SRCAP: variants seen among roughly 807,000 people sequenced by gnomAD.
The protein encoded by SRCAP is Snf2 related CREBBP activator protein, also known as chromatin remodeling protein SRCAP.
SRCAP carries 46 observed loss-of-function variants against 263.1 expected under a neutral mutation model. The ratio of observed to expected loss-of-function variants is 0.17; its 90% CI spans 0.14 to 0.22. The LOEUF (loss-of-function observed/expected upper bound fraction) is 0.22. SRCAP is among the 10% of genes least tolerant of loss of function. SRCAP has a pLI of 1.00. For synonymous variants in SRCAP, 1,813 were observed against 1,662.1 expected (o/e 1.09, Z -2.21); for missense variants, 3,695 against 4,181.9 (o/e 0.88, Z 3.21).
chr16:30,708,583 A>G (rs1475529928), intron 6 of SRCAP, among the ~76,000 whole-genome samples: 1 of 151,836 alleles, frequency 6.6e-6, no homozygotes, highest in East Asian at 1.9e-4. Context: ...TAGTAGAGAC[A>G]GGGTTTTGCT....
intron 16 of SRCAP, among the ~76,000 whole-genome samples, chr16:30,715,294 G>A (rs550255959): frequency 3.0e-4 from 46 of 152,224 alleles, no homozygotes; most frequent in African/African-American, 1.0e-3. Flanking sequence ...GGCCGGGCGC[G>A]GTGGCTCACG....
chr16:30,734,268 A>G, intron 30 of SRCAP: 1 of 644,074 alleles, frequency 1.6e-6, no homozygotes, highest in South Asian at 2.1e-5. Flanking sequence ...ACTTGAACCT[A>G]AGAGGCGGAG....
chr16:30,711,514 A>G (rs2052890834), intron 10 of SRCAP, 57 bp from the exon 11 acceptor site: 2 of 1,519,850 alleles, frequency 1.3e-6, no homozygotes. Context: ...GGTACTACTC[A>G]GACCTCCCCT....
intron 25 of SRCAP, among the ~76,000 whole-genome samples, chr16:30,727,538 C>T (rs534209519): frequency 6.6e-6 from 1 of 152,232 alleles, no homozygotes; most frequent in East Asian, 1.9e-4. Flanking sequence ...AGGCTTGTGC[C>T]ACCATGCCAG....
chr16:30,732,417 C>T (rs565712467), intron 27 of SRCAP, among the ~76,000 whole-genome samples: 37 of 150,860 alleles, frequency 2.5e-4, no homozygotes, highest in African/African-American at 8.5e-4. Context: ...CACCATTGCA[C>T]TCCAGCCTGG....
intron 19 of SRCAP, among the ~76,000 whole-genome samples, 168 bp downstream of exon 19, chr16:30,720,499 GGGAT>G: frequency 6.6e-6 from 1 of 152,204 alleles, no homozygotes; most frequent in East Asian, 1.9e-4. Flanking sequence ...AGAGGGTACT[GGGAT>G]GGGCTTCTGT....
At position 30,723,918 on chromosome 16, in the gene SRCAP, TTCCCCG is replaced by T; in HGVS notation, c.4497_4502del (p.Pro1500_Ser1501del). 1 of 1,614,144 alleles carries T rather than the reference TTCCCCG, an allele frequency of 6.2e-7. No individual in the cohort carries two copies. The highest frequency in any genetic ancestry group is 2.2e-5 in the East Asian group (1 of 44,888). ...CTCCCTCCTTGGCACCATCTGGTGC[TTCCCCG>T]TCAGCATCAGCCTTGACTCTAGGTT... On this transcript the variant is annotated inframe_deletion, in exon 25 of 34. Coordinates refer to ENST00000262518, the MANE Select transcript of SRCAP (RefSeq NM_006662.3).
rs1315630342 is a variant in SRCAP, at chr16:30,724,688, C to T, written c.5264C>T (p.Ala1755Val). The T allele has an allele frequency of 4.3e-6, 7 of 1,614,074 alleles. No homozygotes were observed. The highest frequency in any genetic ancestry group is 5.9e-6 in the Non-Finnish European group (7 of 1,180,052). The stretch of plus-strand genomic sequence containing the variant: ...TCTCTGGCTCCAGCACCCCCTCTGG[C>T]TCCAGCTTCTCCAGTGGGCCCAGCC... ...TLSLAPAPPL[A>V]PASPVGPAPA... The change falls in exon 25 of 34, where the codon GCT becomes GTT. Residue 1755 changes from alanine to valine, a missense_variant. Ala to Val is a moderately conservative substitution (Grantham distance 64). This residue lies in a region of SRCAP where 1,347 missense variants were observed against 1,304.4 expected (regional missense o/e 1.03). Coordinates refer to ENST00000262518, the MANE Select transcript of SRCAP (RefSeq NM_006662.3).
chr16:30,737,992 G>A lies in SRCAP; in HGVS notation c.7952G>A (p.Gly2651Asp). The A allele has an allele frequency of 6.2e-7, 1 of 1,614,082 alleles. No homozygotes were observed. The highest frequency in any genetic ancestry group is 8.5e-7 in the Non-Finnish European group (1 of 1,180,030). Residue 2651 changes from glycine (G) to aspartate (D), a missense_variant, in exon 34 of 34, where the codon GGC (glycine) becomes GAC (aspartate). By Grantham distance (94) the Gly-to-Asp change is moderately conservative (BLOSUM62 -1). Around this residue, in one of 12 missense-constraint regions of SRCAP, gnomAD observed 1,207 missense variants for 1,142.9 expected, o/e 1.06. Coordinates refer to ENST00000262518, the MANE Select transcript of SRCAP (RefSeq NM_006662.3). Reference sequence around the variant, plus strand: ...CCCCTGTGTGTGAGTGAGAGCAATGGCCTGGAGCTCCCACCCTCAGCAGCA... The same window carrying A: ...CCCCTGTGTGTGAGTGAGAGCAATGACCTGGAGCTCCCACCCTCAGCAGCA... ...ELPLCVSESN[G>D]LELPPSAASD...
chr16:30,713,122 C>T (rs900853226), intron 14 of SRCAP, 86 bp from the exon 15 acceptor site: 2 of 1,398,486 alleles, frequency 1.4e-6, no homozygotes, highest in Non-Finnish European at 2.0e-6. Context: ...AACCTGATTA[C>T]TGTCCTTTGA....
chr16:30,725,186 G>A (rs1596657428), intron 25 of SRCAP, 104 bp downstream of exon 25: 3 of 1,498,766 alleles, frequency 2.0e-6, no homozygotes, highest in Non-Finnish European at 2.7e-6. Context: ...GAATTACAAA[G>A]CTTAATGTTA....
At chr16:30,721,750 A>G (rs1334634614) in intron 21 of SRCAP, among the ~76,000 whole-genome samples, 1 of 152,262 alleles carries the variant, frequency 6.6e-6, no homozygotes, top group African/African-American at 2.4e-5. Flanking sequence ...TTGTCAGATC[A>G]TAATTAAGAG....
At chr16:30,731,089 C>T (rs1488168071) in intron 27 of SRCAP, among the ~76,000 whole-genome samples, 3 of 152,158 alleles carry the variant, frequency 2.0e-5, no homozygotes, top group Non-Finnish European at 2.9e-5. Context: ...AGGGTATACA[C>T]CAATCCTCTA....
chr16:30,704,822 A>G (rs140342967), intron 4 of SRCAP, among the ~76,000 whole-genome samples: 238 of 152,286 alleles, frequency 1.6e-3, no homozygotes, highest in African/African-American at 5.6e-3. Flanking sequence ...AGCCTGAGCA[A>G]CCGAGTAAGA....
At position 30,700,786 on chromosome 16, in the gene SRCAP, A is replaced by G; in HGVS notation, c.-39A>G. 6.2e-7 allele frequency: 1 copy of G among 1,602,814 alleles called. No individual in the cohort carries two copies. The highest frequency in any genetic ancestry group is 8.5e-7 in the Non-Finnish European group (1 of 1,170,408). ...CAGTACTGGTGATAACAACCCAGTC[A>G]TTCTTCAGGCATCCAAGGGGGAGCC... On this transcript the variant is annotated 5_prime_UTR_variant, in exon 3 of 34. Transcript: ENST00000262518.
chr16:30,721,832 A>G (rs796354576), intron 21 of SRCAP, among the ~76,000 whole-genome samples: 1 of 152,220 alleles, frequency 6.6e-6, no homozygotes, highest in African/African-American at 2.4e-5. Flanking sequence ...GTAGAAAAGT[A>G]TTGGGGTAAA....
intron 27 of SRCAP, among the ~76,000 whole-genome samples, chr16:30,731,299 T>C (rs943140266): frequency 7.9e-5 from 12 of 152,132 alleles, no homozygotes; most frequent in Non-Finnish European, 5.9e-5. Context: ...TGGGTTTGGG[T>C]TGGGGCCTTC....
chr16:30,719,504 C>T (rs1006494834), intron 18 of SRCAP, among the ~76,000 whole-genome samples: 6 of 151,858 alleles, frequency 4.0e-5, no homozygotes, highest in East Asian at 3.9e-4. Flanking sequence ...CGTGAGCCAC[C>T]GCACCCGGCC....
At chr16:30,716,786 T>C (rs2151290739) in intron 18 of SRCAP, among the ~76,000 whole-genome samples, 2 of 152,344 alleles carry the variant, frequency 1.3e-5, no homozygotes, top group East Asian at 3.9e-4. Context: ...ATTAAATTCT[T>C]TACTTGCTGA....
Sources: gnomAD v4.1 joint callset for allele counts (sites outside exome capture counted in the v4.1 genomes callset) on GRCh38, gnomAD v4.1.1 for gene constraint, gnomAD v4.1.1 regional missense constraint, MANE v1.5 for transcripts, NCBI Gene and HGNC (gene_info 2026-07-23, HGNC 2026-07-21) for gene names.